KCNMB2: variants seen among roughly 807,000 people sequenced by gnomAD.
KCNMB2 encodes calcium-activated potassium channel subunit beta-2.
In KCNMB2, 9 loss-of-function variants were observed where a neutral mutation model predicts 24.5. That is an observed-to-expected ratio of 0.37 (90% CI 0.22 to 0.64). KCNMB2 has a LOEUF of 0.64. Ranked by LOEUF, KCNMB2 falls within the 30% of genes least tolerant of loss-of-function variation. The probability of loss-of-function intolerance (pLI) is 0.63; values close to 1 mark genes in which losing one functional copy is unlikely to be tolerated. For missense variants in KCNMB2, 226 were observed against 284.3 expected (o/e 0.79, Z 1.47); for synonymous variants, 109 against 104.4 (o/e 1.04, Z -0.27).
At chr3:178,578,844 C>T (rs1207364341) in intron 1 of KCNMB2, among the ~76,000 whole-genome samples, 4 of 152,114 alleles carry the variant, frequency 2.6e-5, no homozygotes, top group African/African-American at 9.7e-5. Flanking sequence ...TATATATGCA[C>T]CCAATACAGG....
At chr3:178,600,089 G>C (rs1215606851) in intron 1 of KCNMB2, among the ~76,000 whole-genome samples, 2 of 152,132 alleles carry the variant, frequency 1.3e-5, no homozygotes, top group African/African-American at 4.8e-5. Flanking sequence ...TGTTGGCCAG[G>C]TTGGTCTTGA....
intron 1 of KCNMB2, among the ~76,000 whole-genome samples, chr3:178,654,303 C>T (rs1720241322): frequency 6.6e-6 from 1 of 152,020 alleles, no homozygotes; most frequent in Admixed American, 6.6e-5. Context: ...TTCATTTATG[C>T]ATATTTATAA....
At chr3:178,724,996 G>A (rs1722922120) in intron 1 of KCNMB2, among the ~76,000 whole-genome samples, 1 of 151,932 alleles carries the variant, frequency 6.6e-6, no homozygotes, top group South Asian at 2.1e-4. Flanking sequence ...TGGCTATTCA[G>A]ACTCTTTTTT....
At chr3:178,671,485 C>G (rs1014616679) in intron 1 of KCNMB2, among the ~76,000 whole-genome samples, 2 of 152,158 alleles carry the variant, frequency 1.3e-5, no homozygotes, top group Non-Finnish European at 2.9e-5. Flanking sequence ...CCTGGCAGAG[C>G]AAATGAGCAG....
chr3:178,553,537 C>G (rs1316428607), intron 1 of KCNMB2, among the ~76,000 whole-genome samples: 1 of 139,106 alleles, frequency 7.2e-6, no homozygotes, highest in Admixed American at 7.2e-5. Flanking sequence ...AGAGAGATTC[C>G]TTTTTTTTTT....
intron 1 of KCNMB2, among the ~76,000 whole-genome samples, chr3:178,627,031 A>T (rs1055780617): frequency 1.3e-4 from 19 of 151,920 alleles, no homozygotes; most frequent in African/African-American, 4.6e-4. Context: ...ATAAGGATAA[A>T]CGCCTGTCTC....
intron 1 of KCNMB2, among the ~76,000 whole-genome samples, chr3:178,731,729 C>CGT (rs1723156568): frequency 2.6e-5 from 4 of 152,066 alleles, no homozygotes; most frequent in African/African-American, 9.7e-5. Context: ...CATGGTGAAA[C>CGT]CTTATCTCTA....
At chr3:178,560,504 T>C (rs1242336503) in intron 1 of KCNMB2, among the ~76,000 whole-genome samples, 5 of 152,224 alleles carry the variant, frequency 3.3e-5, no homozygotes, top group African/African-American at 4.8e-5. Flanking sequence ...AAGCTTGAGA[T>C]TACTGCATGG....
chr3:178,704,229 C>A (rs1722202622), intron 1 of KCNMB2, among the ~76,000 whole-genome samples: 2 of 152,000 alleles, frequency 1.3e-5, no homozygotes, highest in Non-Finnish European at 2.9e-5. Flanking sequence ...CAAACATTTT[C>A]TGACAGTTCA....
At position 178,587,296 on chromosome 3, in the gene KCNMB2, A is replaced by G. The variant is rs118146683; in HGVS notation, c.-68+50585A>G. Reference sequence around the variant, plus strand: ...TAATCCCTAATAAATTTTCCAGCAGAAATGGATTATCCCAGGCTGACCTAA... The same window carrying G: ...TAATCCCTAATAAATTTTCCAGCAGGAATGGATTATCCCAGGCTGACCTAA... On this transcript the variant is annotated intron_variant, in intron 1 of 4. Transcript: ENST00000452583. Among the ~76,000 whole-genome samples, 62 of 152,302 alleles carry G rather than the reference A, an allele frequency of 4.1e-4. 1 individual carries two copies. In the East Asian group the frequency reaches 0.012, roughly 28 times the overall value.
chr3:178,765,601 A>G (rs1375430956), intron 1 of KCNMB2, among the ~76,000 whole-genome samples: 1 of 117,666 alleles, frequency 8.5e-6, no homozygotes, highest in Non-Finnish European at 1.7e-5. Flanking sequence ...CTTCTAGATC[A>G]GTTCTGCTAG....
intron 2 of KCNMB2, among the ~76,000 whole-genome samples, chr3:178,822,220 T>C (rs2108464576): frequency 6.6e-6 from 1 of 152,378 alleles, no homozygotes; most frequent in South Asian, 2.1e-4. Context: ...CATCCCTTTG[T>C]TCATGTGAGT....
chr3:178,664,861 T>C (rs969837024), intron 1 of KCNMB2, among the ~76,000 whole-genome samples: 5 of 152,110 alleles, frequency 3.3e-5, no homozygotes, highest in South Asian at 2.1e-4. Context: ...CCTAAAGAGA[T>C]ATATTGTGAA....
At chr3:178,637,191 A>C (rs1475672373) in intron 1 of KCNMB2, among the ~76,000 whole-genome samples, 2 of 152,108 alleles carry the variant, frequency 1.3e-5, no homozygotes, top group Non-Finnish European at 2.9e-5. Context: ...TTATAACAGA[A>C]TGATTTCTGT....
At chr3:178,789,393 AACACT>A (rs1460388915) in intron 1 of KCNMB2, among the ~76,000 whole-genome samples, 1 of 152,314 alleles carries the variant, frequency 6.6e-6, no homozygotes, top group Non-Finnish European at 1.5e-5. Flanking sequence ...AAGCAATAGG[AACACT>A]ACATGGAAAG....
chr3:178,768,760 T>C (rs1228022913), intron 1 of KCNMB2, among the ~76,000 whole-genome samples: 2 of 152,178 alleles, frequency 1.3e-5, no homozygotes, highest in African/African-American at 4.8e-5. Context: ...GCCTCATAGA[T>C]CTTACTGACC....
At chr3:178,550,546 T>C (rs1013905367) in intron 1 of KCNMB2, among the ~76,000 whole-genome samples, 1 of 148,120 alleles carries the variant, frequency 6.8e-6, no homozygotes, top group African/African-American at 2.5e-5. Flanking sequence ...ATTCAAGAGG[T>C]AGGTCAAGTT....
intron 1 of KCNMB2, among the ~76,000 whole-genome samples, chr3:178,776,989 A>T (rs1170715386): frequency 2.6e-5 from 4 of 151,234 alleles, no homozygotes. Flanking sequence ...TATACAAAGC[A>T]ACATGAAATA....
intron 1 of KCNMB2, among the ~76,000 whole-genome samples, chr3:178,674,494 ATCC>A (rs1553832652): frequency 2.0e-5 from 3 of 152,128 alleles, no homozygotes; most frequent in Non-Finnish European, 2.9e-5. Context: ...CCTACATCTA[ATCC>A]ATCAGTACAT....
Sources: allele counts gnomAD v4.1 joint callset (sites outside exome capture counted in the v4.1 genomes callset), GRCh38; gene constraint gnomAD v4.1.1; transcripts MANE v1.5; gene names NCBI Gene and HGNC (gene_info 2026-07-23, HGNC 2026-07-21).